UTRN: variants seen among roughly 807,000 people sequenced by gnomAD.
The protein encoded by UTRN is dystrophin-related protein 1.
In UTRN, 283 loss-of-function variants were observed where a neutral mutation model predicts 463.9. That is an observed-to-expected ratio of 0.61 (90% CI 0.55 to 0.67). The LOEUF (loss-of-function observed/expected upper bound fraction) is 0.67. UTRN is among the 30% of genes least tolerant of loss of function. The pLI is 0.00. For missense variants in UTRN, 3,922 were observed against 4,084.3 expected (o/e 0.96, Z 1.08); for synonymous variants, 1,442 against 1,431.5 (o/e 1.01, Z -0.17).
chr6:144,416,836 T>C (rs2114834224), intron 3 of UTRN, among the ~76,000 whole-genome samples: 1 of 152,346 alleles, frequency 6.6e-6, no homozygotes, highest in Non-Finnish European at 1.5e-5. Context: ...ATAAGGAGAA[T>C]GACCTGAACT....
chr6:144,383,800 AT>A (rs1435165407), intron 2 of UTRN, among the ~76,000 whole-genome samples: 3 of 152,208 alleles, frequency 2.0e-5, no homozygotes, highest in African/African-American at 4.8e-5. Flanking sequence ...CTTAAATACC[AT>A]GTCTAGAGGC....
At chr6:144,701,462 T>G (rs1429206622) in intron 53 of UTRN, among the ~76,000 whole-genome samples, 2 of 152,222 alleles carry the variant, frequency 1.3e-5, no homozygotes, top group Non-Finnish European at 2.9e-5. Flanking sequence ...ATACTTTTAC[T>G]CTGATCAGCC....
intron 34 of UTRN, among the ~76,000 whole-genome samples, chr6:144,505,106 C>A (rs773079650): frequency 3.3e-5 from 5 of 151,776 alleles, no homozygotes; most frequent in Non-Finnish European, 7.4e-5. Flanking sequence ...ATTGGTGATA[C>A]CCCCTTTATC....
At chr6:144,728,926 C>A (rs1441119140) in intron 53 of UTRN, among the ~76,000 whole-genome samples, 1 of 152,168 alleles carries the variant, frequency 6.6e-6, no homozygotes, top group Admixed American at 6.5e-5. Context: ...CATCCCTCCC[C>A]ACCTGTGAGG....
At chr6:144,848,147 T>G (rs1459236162) in intron 74 of UTRN, among the ~76,000 whole-genome samples, 1 of 151,972 alleles carries the variant, frequency 6.6e-6, no homozygotes, top group Non-Finnish European at 1.5e-5. Context: ...GGAGTGAGGT[T>G]GGGGAGGAGG....
At chr6:144,751,319 A>G (rs2128723465) in intron 55 of UTRN, among the ~76,000 whole-genome samples, 1 of 152,314 alleles carries the variant, frequency 6.6e-6, no homozygotes, top group South Asian at 2.1e-4. Context: ...GAAATACATA[A>G]TCATTTTAAA....
intron 52 of UTRN, among the ~76,000 whole-genome samples, chr6:144,681,386 AGAAGTCCCTATCCT>A (rs540408230): frequency 2.0e-5 from 3 of 152,182 alleles, no homozygotes; most frequent in Non-Finnish European, 4.4e-5. Context: ...AAGGAAACTG[AGAAGTCCCTATCCT>A]GAAGAGGGAT....
chr6:144,638,789 G>A (rs1777460435), intron 51 of UTRN, among the ~76,000 whole-genome samples: 1 of 152,092 alleles, frequency 6.6e-6, no homozygotes. Flanking sequence ...TTAAATTGTA[G>A]TTATTGCTTA....
chr6:144,379,307 C>T (rs1231318252), intron 2 of UTRN, among the ~76,000 whole-genome samples: 1 of 152,162 alleles, frequency 6.6e-6, no homozygotes, highest in African/African-American at 2.4e-5. Flanking sequence ...AGTGGTTTAG[C>T]TAGGTGATTC....
intron 2 of UTRN, among the ~76,000 whole-genome samples, chr6:144,310,733 G>A (rs1384798042): frequency 5.6e-4 from 85 of 152,312 alleles, no homozygotes; most frequent in Non-Finnish European, 7.4e-5. Flanking sequence ...AGCTGAGATC[G>A]TGCTACTGCA....
At chr6:144,814,365 A>G (rs1322027379) in intron 65 of UTRN, among the ~76,000 whole-genome samples, 2 of 149,634 alleles carry the variant, frequency 1.3e-5, no homozygotes, top group East Asian at 1.9e-4. Flanking sequence ...GTGAGAGATA[A>G]ATCTCTGCTG....
At chr6:144,669,330 T>C (rs1780751891) in intron 51 of UTRN, among the ~76,000 whole-genome samples, 1 of 152,148 alleles carries the variant, frequency 6.6e-6, no homozygotes, top group Admixed American at 6.5e-5. Flanking sequence ...TCTATAGAGG[T>C]TACACTATTT....
At chr6:144,825,906 A>C (rs900633616) in intron 66 of UTRN, among the ~76,000 whole-genome samples, 1 of 149,362 alleles carries the variant, frequency 6.7e-6, no homozygotes, top group African/African-American at 2.5e-5. Context: ...GACAGTATAG[A>C]TATTCTGACA....
chr6:144,316,001 G>A (rs1163313990), intron 2 of UTRN, among the ~76,000 whole-genome samples: 1 of 152,122 alleles, frequency 6.6e-6, no homozygotes, highest in Admixed American at 6.5e-5. Flanking sequence ...GAGGATTTCA[G>A]GATACATTTC....
At chr6:144,514,282 A>G (rs762851342) in intron 36 of UTRN, among the ~76,000 whole-genome samples, 5 of 152,242 alleles carry the variant, frequency 3.3e-5, no homozygotes, top group Non-Finnish European at 7.3e-5. Flanking sequence ...TAAGATGCCA[A>G]TGAGTCTTGC....
At chr6:144,519,909 G>GT (rs1795941519) in intron 39 of UTRN, among the ~76,000 whole-genome samples, 1 of 152,204 alleles carries the variant, frequency 6.6e-6, no homozygotes, top group African/African-American at 2.4e-5. Flanking sequence ...CAGTCTTGCA[G>GT]TAGTAGCTGA....
At chr6:144,621,625 T>A (rs1428004601) in intron 51 of UTRN, among the ~76,000 whole-genome samples, 1 of 152,206 alleles carries the variant, frequency 6.6e-6, no homozygotes, top group Admixed American at 6.5e-5. Flanking sequence ...GTAGCCTGTG[T>A]ATGTGAAACA....
intron 27 of UTRN, among the ~76,000 whole-genome samples, chr6:144,484,258 T>C (rs539354532): frequency 2.6e-5 from 4 of 152,096 alleles, no homozygotes; most frequent in African/African-American, 4.8e-5. Context: ...CTCTCTTATA[T>C]TGACATGTCC....
At chr6:144,674,276 C>T (rs1020440018) in intron 51 of UTRN, among the ~76,000 whole-genome samples, 2 of 151,278 alleles carry the variant, frequency 1.3e-5, no homozygotes, top group African/African-American at 2.4e-5. Flanking sequence ...TCCTCAGGAA[C>T]ATGAATTATT....
Sources: allele counts gnomAD v4.1 joint callset (sites outside exome capture counted in the v4.1 genomes callset), GRCh38; gene constraint gnomAD v4.1.1; transcripts MANE v1.5; gene names NCBI Gene and HGNC (gene_info 2026-07-23, HGNC 2026-07-21).